The following RUSC1 variants were observed in gnomAD, a reference collection of about 807,000 sequenced individuals.
The protein encoded by RUSC1 is RUN and SH3 domain containing 1, also known as AP-4 complex accessory subunit RUSC1.
In RUSC1, 40 loss-of-function variants were observed where a neutral mutation model predicts 72.1. That is an observed-to-expected ratio of 0.55 (90% CI 0.43 to 0.72). The LOEUF is 0.72. Among genes scored for constraint, RUSC1 ranks in the 30% least tolerant of loss-of-function variants. RUSC1 has a pLI of 0.00. For missense variants in RUSC1, 1,092 were observed against 1,172.3 expected (o/e 0.93, Z 1.00); for synonymous variants, 512 against 494.2 (o/e 1.04, Z -0.48).
rs576978615 is a variant in RUSC1 at position 155,328,599 on chromosome 1, T to C, written c.2540+324T>C. The stretch of plus-strand genomic sequence containing the variant: ...TGCCCACCACCATGCCCGTTTAAGT[T>C]TTGGAATTTTTTTTTTTTTGAGATG... On this transcript the variant is annotated intron_variant, in intron 9 of 9. Coordinates refer to ENST00000368352, the MANE Select transcript of RUSC1 (RefSeq NM_001105203.2). Among the ~76,000 whole-genome samples, 5 of 151,664 alleles carry C rather than the reference T, an allele frequency of 3.3e-5. No individual in the cohort carries two copies. In the South Asian group the frequency reaches 1.0e-3, roughly 32 times the overall value.
At chr1:155,323,845 C>T in intron 2 of RUSC1, 1 of 903,612 alleles carries the variant, frequency 1.1e-6, no homozygotes, top group Non-Finnish European at 1.3e-6. Context: ...CCGCGGGCCA[C>T]GCCTCAGGCG....
chr1:155,325,502 G>C lies in RUSC1; in HGVS notation c.1708+12G>C, dbSNP rs754716167. The C allele has an allele frequency of 6.3e-7, 1 of 1,599,098 alleles. No homozygotes were observed. Among genetic ancestry groups the C allele is most frequent in the South Asian group, 1.1e-5 (1 of 90,544 alleles). Reference sequence around the variant, plus strand: ...GTCGGTGAAGCCAGGTGAGCCAGGAGGGCGTGGGACCCGGCAGTGCGCAGG... The same window carrying C: ...GTCGGTGAAGCCAGGTGAGCCAGGACGGCGTGGGACCCGGCAGTGCGCAGG... On this transcript the variant is annotated intron_variant, in intron 5 of 9. Transcript: ENST00000368352. The surrounding 1 kb of genome is among the most constrained non-coding windows in gnomAD (Gnocchi z 6.5).
At position 155,325,654 on chromosome 1, in the gene RUSC1, T is replaced by G; in HGVS notation, c.1796T>G (p.Phe599Cys). ...AGCAGCCGTAGCCGCTTCCATGCCT[T>G]TATCCTGGGCCTCCTCAAGTGAGTT... ...LSSSRSRFHA[F>C]ILGLLNTKQL... The change falls in exon 6 of 10, where the codon TTT becomes TGT. Residue 599 changes from phenylalanine to cysteine, a missense_variant. Phe to Cys is a radical substitution (Grantham distance 205). Transcript: ENST00000368352. This position sits in a 1 kb window ranked among gnomAD's most constrained non-coding sequence, Gnocchi z 6.5. 1 of 1,613,840 alleles carries G rather than the reference T, an allele frequency of 6.2e-7. No homozygotes were observed. Among genetic ancestry groups the G allele is most frequent in the Non-Finnish European group, 8.5e-7 (1 of 1,179,994 alleles).
In RUSC1 at chr1:155,321,734, CT is replaced by C; in HGVS notation, c.-38del. On this transcript the variant is annotated 5_prime_UTR_variant, in exon 2 of 10. Transcript: ENST00000368352. ...GTAGGTGGATGTGAGAGACCCTACC[CT>C]TCTGGTTCTCTAGAAGCCATCCCAT... 1 of 1,611,414 alleles carries C rather than the reference CT, an allele frequency of 6.2e-7. No homozygotes were observed. Among genetic ancestry groups the C allele is most frequent in the Non-Finnish European group, 8.5e-7 (1 of 1,178,264 alleles).
At position 155,322,906 on chromosome 1, in the gene RUSC1, G is replaced by T; in HGVS notation, c.1133G>T (p.Ser378Ile). The part of the protein sequence containing the change: ...VTTFKELRSR[S>I]RAPAPPVPPR... ...ACCTTCAAGGAACTCCGGTCCCGAAGCCGGGCCCCAGCCCCGCCAGTCCCG... is the reference window on the plus strand; with the variant it reads ...ACCTTCAAGGAACTCCGGTCCCGAATCCGGGCCCCAGCCCCGCCAGTCCCG... Residue 378 changes from serine (S) to isoleucine (I), a missense_variant, in exon 2 of 10, where the codon AGC (serine) becomes ATC (isoleucine). Ser to Ile is a moderately radical substitution (Grantham distance 142). Transcript: ENST00000368352. 1 of 1,586,546 alleles carries T rather than the reference G, an allele frequency of 6.3e-7. No homozygotes were observed.
intron 2 of RUSC1, chr1:155,323,451 C>T (rs1235547187): frequency 1.3e-5 from 3 of 239,580 alleles, no homozygotes; most frequent in South Asian, 1.7e-4. Flanking sequence ...TCTCGGCCGA[C>T]GGGCGCCCCC....
chr1:155,323,812 C>T (rs1229769182), intron 2 of RUSC1: 22 of 630,664 alleles, frequency 3.5e-5, no homozygotes, highest in Non-Finnish European at 4.3e-5. Flanking sequence ...GCCCAGGCTA[C>T]GTAAGACGGA....
At chr1:155,324,145 T>C (rs2148270606) in intron 2 of RUSC1, 1 of 1,309,818 alleles carries the variant, frequency 7.6e-7, no homozygotes, top group Non-Finnish European at 9.7e-7. Context: ...TCACACCCTC[T>C]GTGGAATTCC....
chr1:155,324,308 G>A (rs1476163980), intron 2 of RUSC1: 1 of 1,569,708 alleles, frequency 6.4e-7, no homozygotes, highest in East Asian at 2.3e-5. Flanking sequence ...CCGCCAAGAG[G>A]CTGCTGCGGG....
rs1195148821 is a variant in RUSC1 at position 155,322,908 on chromosome 1, C to T, written c.1135C>T (p.Arg379Trp). ...TTFKELRSRSRAPAPPVPPRD... is the reference protein window; with the variant it reads ...TTFKELRSRSWAPAPPVPPRD... ...CTTCAAGGAACTCCGGTCCCGAAGCCGGGCCCCAGCCCCGCCAGTCCCGCC... is the reference window on the plus strand; with the variant it reads ...CTTCAAGGAACTCCGGTCCCGAAGCTGGGCCCCAGCCCCGCCAGTCCCGCC... Residue 379 changes from arginine (R) to tryptophan (W), a missense_variant, in exon 2 of 10, where the codon CGG becomes TGG. Coordinates refer to ENST00000368352, the MANE Select transcript of RUSC1 (RefSeq NM_001105203.2). 1.1e-5 allele frequency: 17 copies of T among 1,570,050 alleles called. No individual in the cohort carries two copies. The highest frequency in any genetic ancestry group is 1.5e-5 in the Non-Finnish European group (17 of 1,159,034).
chr1:155,324,316 G>A (rs1483291764), intron 2 of RUSC1: 3 of 1,576,074 alleles, frequency 1.9e-6, no homozygotes, highest in African/African-American at 2.7e-5. Context: ...AGGCTGCTGC[G>A]GGACCCGGGT....
chr1:155,320,916 G>T lies in RUSC1; in HGVS notation c.-162G>T. On this transcript the variant is annotated 5_prime_UTR_variant, in exon 1 of 10. Coordinates refer to ENST00000368352, the MANE Select transcript of RUSC1 (RefSeq NM_001105203.2). ...GTTGTGCTAGTGCCCCTCCCCTCCC[G>T]CTCTGTGCCCCGCCGGGCGGGGACC... 1.3e-6 allele frequency: 2 copies of T among 1,587,224 alleles called. No homozygotes were observed. The highest frequency in any genetic ancestry group is 1.7e-6 in the Non-Finnish European group (2 of 1,166,716).
In RUSC1 at chr1:155,325,192, G is replaced by A; in HGVS notation, c.1533+14G>A. 1 of 1,614,184 alleles carries A rather than the reference G, an allele frequency of 6.2e-7. No individual in the cohort carries two copies. Among genetic ancestry groups the A allele is most frequent in the South Asian group, 1.1e-5 (1 of 91,086 alleles). ...TTGGTGCAGAAGGTGAAGGTGGCTG[G>A]GGGGAGGCTGTTGGGATGAGGAGAG... On this transcript the variant is annotated intron_variant, in intron 4 of 9. Transcript: ENST00000368352. The surrounding 1 kb of genome is among the most constrained non-coding windows in gnomAD (Gnocchi z 6.5).
chr1:155,323,298 G>A (rs1330068773), intron 2 of RUSC1, among the ~76,000 whole-genome samples, 168 bp downstream of exon 2: 1 of 152,060 alleles, frequency 6.6e-6, no homozygotes, highest in Admixed American at 6.5e-5. Context: ...ATTGGGTTAT[G>A]GGACTAACTG....
chr1:155,329,633 C>T (rs1281097413), intron 9 of RUSC1, among the ~76,000 whole-genome samples: 2 of 151,652 alleles, frequency 1.3e-5, no homozygotes, highest in African/African-American at 2.4e-5. Flanking sequence ...ACCTTGTGAT[C>T]CACCCACCTC....
chr1:155,324,243 T>A, intron 2 of RUSC1: 1 of 1,458,640 alleles, frequency 6.9e-7, no homozygotes, highest in African/African-American at 1.4e-5. Context: ...CACTAGAGGT[T>A]CTGGCCACGC....
Position 155,322,513 on chromosome 1 carries a change from A to G in RUSC1, c.740A>G (p.Lys247Arg). Residue 247 changes from lysine (K) to arginine (R), a missense_variant, in exon 2 of 10, where the codon AAA becomes AGA. Lys to Arg is a conservative substitution (Grantham distance 26). Transcript: ENST00000368352. ...IDTEKTKAEWKTTENNNTGWK... is the reference protein window; with the variant it reads ...IDTEKTKAEWRTTENNNTGWK... ...ACAGAGAAAACTAAAGCTGAATGGA[A>G]AACCACTGAAAACAATAACACTGGT... The G allele has an allele frequency of 6.2e-7, 1 of 1,613,230 alleles. No homozygotes were observed. Among genetic ancestry groups the G allele is most frequent in the Non-Finnish European group, 8.5e-7 (1 of 1,179,340 alleles).
intron 1 of RUSC1, chr1:155,321,309 G>A (rs1650439222): frequency 7.3e-7 from 1 of 1,371,590 alleles, no homozygotes; most frequent in African/African-American, 1.5e-5. Context: ...CTCCTTTCAG[G>A]GCATCTGGGT....
Position 155,322,991 on chromosome 1 carries a change from C to A in RUSC1, c.1218C>A (p.Val406=). Residue 406 remains valine, a synonymous_variant, in exon 2 of 10, where the codon GTC becomes GTA. Transcript: ENST00000368352. The part of the protein sequence containing the change: ...LVPPRPPPPP[V]PPRRKKNRPG... ...CGCCCCGGCCCCCACCCCCGCCTGT[C>A]CCTCCCCGAAGGAAGAAGAACCGAC... is the stretch of plus-strand genomic sequence containing the variant. 2 of 1,004,318 alleles carry A rather than the reference C, an allele frequency of 2.0e-6. No homozygotes were observed. Among genetic ancestry groups the A allele is most frequent in the South Asian group, 2.9e-5 (2 of 69,478 alleles). The allele number at this position is 1,004,318 out of a possible 1,614,324, so 62.2% of individuals were successfully genotyped here.
Sources: allele counts gnomAD v4.1 joint callset (sites outside exome capture counted in the v4.1 genomes callset), GRCh38; gene constraint gnomAD v4.1.1; non-coding constraint Gnocchi (gnomAD v3.1); transcripts MANE v1.5; gene names NCBI Gene and HGNC (gene_info 2026-07-23, HGNC 2026-07-21).